Variants in AK9 observed in about 807,000 individuals in gnomAD.
AK9 encodes the protein adenylate kinase 9.
A neutral mutation model predicts 239.6 loss-of-function variants in AK9; 191 were observed. The observed-to-expected ratio is 0.80, with a 90% CI of 0.71 to 0.90. AK9 has a LOEUF of 0.90. AK9 is among the 40% of genes least tolerant of loss of function. AK9 has a pLI of 0.00. For missense variants in AK9, 1,995 were observed against 2,214.7 expected (o/e 0.90, Z 1.99); for synonymous variants, 689 against 721.0 (o/e 0.96, Z 0.71).
chr6:109,598,193 AG>A lies in AK9; in HGVS notation c.1843-12122del, dbSNP rs556749549. On this transcript the variant is annotated intron_variant, in intron 17 of 40. Transcript: ENST00000424296. ...CACCCATTAACTCGTCATTTACATTAGGTATATCTCCTAATGCTATCCCTCC... is the reference window on the plus strand; with the variant it reads ...CACCCATTAACTCGTCATTTACATTAGTATATCTCCTAATGCTATCCCTCC... Among the ~76,000 whole-genome samples, 250 of 151,964 alleles carry A rather than the reference AG, an allele frequency of 1.6e-3. 2 individuals are homozygous for A. Among genetic ancestry groups the A allele is most frequent in the Non-Finnish European group, 5.7e-4 (39 of 67,982 alleles).
At chr6:109,646,846 T>C (rs1026181270) in intron 8 of AK9, among the ~76,000 whole-genome samples, 1 of 152,184 alleles carries the variant, frequency 6.6e-6, no homozygotes, top group Non-Finnish European at 1.5e-5. Flanking sequence ...AGAGAAAGGT[T>C]GGGTTACCCA....
At chr6:109,642,495 T>A (rs1797578563) in intron 9 of AK9, among the ~76,000 whole-genome samples, 1 of 152,218 alleles carries the variant, frequency 6.6e-6, no homozygotes, top group Admixed American at 6.5e-5. Flanking sequence ...TAGCCTGCTC[T>A]GCCAATGGAA....
intron 29 of AK9, among the ~76,000 whole-genome samples, chr6:109,518,316 C>A (rs1320251605): frequency 6.6e-6 from 1 of 152,018 alleles, no homozygotes; most frequent in African/African-American, 2.4e-5. Context: ...AGCCTCCTTA[C>A]GACTTGTTCC....
At chr6:109,620,341 C>A (rs1483547883) in intron 12 of AK9, among the ~76,000 whole-genome samples, 3 of 152,062 alleles carry the variant, frequency 2.0e-5, no homozygotes, top group African/African-American at 7.2e-5. Flanking sequence ...TTTAAATTTT[C>A]TAGTGGGTGT....
intron 21 of AK9, among the ~76,000 whole-genome samples, chr6:109,570,215 G>A (rs1243350919): frequency 2.6e-5 from 4 of 151,966 alleles, no homozygotes; most frequent in African/African-American, 9.7e-5. Context: ...TCACTCATAG[G>A]TGGAAATTGA....
chr6:109,617,294 T>G (rs751967980), intron 13 of AK9, among the ~76,000 whole-genome samples: 46 of 152,128 alleles, frequency 3.0e-4, no homozygotes, highest in Non-Finnish European at 5.6e-4. Context: ...CATCCTAACA[T>G]CTAGTACAGT....
At chr6:109,592,856 T>C (rs1790473682) in intron 17 of AK9, among the ~76,000 whole-genome samples, 1 of 152,140 alleles carries the variant, frequency 6.6e-6, no homozygotes, top group Non-Finnish European at 1.5e-5. Flanking sequence ...GTGAGGTACT[T>C]CTTGCACTAT....
intron 17 of AK9, among the ~76,000 whole-genome samples, chr6:109,601,177 A>G (rs1459666154): frequency 4.6e-5 from 7 of 152,102 alleles, no homozygotes; most frequent in Non-Finnish European, 8.8e-5. Context: ...TTAGGGTGTC[A>G]ATTTTAGATC....
At chr6:109,508,031 G>A (rs1778292889) in intron 33 of AK9, among the ~76,000 whole-genome samples, 5 of 152,120 alleles carry the variant, frequency 3.3e-5, no homozygotes, top group Non-Finnish European at 5.9e-5. Context: ...ATGTGGCTTC[G>A]CTGGAGTCTC....
intron 10 of AK9, among the ~76,000 whole-genome samples, chr6:109,633,640 G>T (rs1037486282): frequency 6.6e-6 from 1 of 152,052 alleles, no homozygotes; most frequent in Non-Finnish European, 1.5e-5. Context: ...GGTAGATAGC[G>T]CATTTTCTAT....
chr6:109,639,912 T>G (rs1797185648), intron 10 of AK9, among the ~76,000 whole-genome samples: 1 of 152,228 alleles, frequency 6.6e-6, no homozygotes, highest in African/African-American at 2.4e-5. Flanking sequence ...GGGAATCCTT[T>G]CCCCATTTCT....
chr6:109,572,751 T>G (rs1787585427), intron 21 of AK9, among the ~76,000 whole-genome samples: 1 of 152,196 alleles, frequency 6.6e-6, no homozygotes, highest in Non-Finnish European at 1.5e-5. Flanking sequence ...TGAAGACCTT[T>G]TAGTTTGTAG....
chr6:109,644,742 T>C lies in AK9; in HGVS notation c.760-54A>G, dbSNP rs1797834983. The C allele has an allele frequency of 6.9e-6, 10 of 1,451,042 alleles. No homozygotes were observed. In the Admixed American group the frequency reaches 7.3e-5, roughly 11 times the overall value. 89.9% of individuals were successfully genotyped at this position (1,451,042 alleles called of 1,614,324 possible). A position where few individuals can be genotyped will look rare whatever the true frequency, so the allele number is the denominator to read the frequency against. On this transcript the variant is annotated intron_variant, in intron 8 of 40. Coordinates refer to ENST00000424296, the MANE Select transcript of AK9 (RefSeq NM_001145128.3). ...ATACAGGATCACTAGAAAAACTGAA[T>C]ACAAGATCAGAATCTTAATATACTG... is the stretch of plus-strand genomic sequence containing the variant.
chr6:109,677,266 T>C (rs968499179), intron 1 of AK9, among the ~76,000 whole-genome samples: 3 of 152,082 alleles, frequency 2.0e-5, no homozygotes, highest in East Asian at 1.9e-4. Flanking sequence ...TAAAATGATA[T>C]AGCAAAAATA....
At chr6:109,641,031 T>C (rs1315573969) in intron 10 of AK9, among the ~76,000 whole-genome samples, 1 of 151,860 alleles carries the variant, frequency 6.6e-6, no homozygotes, top group Non-Finnish European at 1.5e-5. Context: ...TTGTGTTGTG[T>C]CTAATATCTG....
Position 109,545,996 on chromosome 6 carries a change from G to T in AK9, c.3096C>A (p.Leu1032=). The T allele has an allele frequency of 6.2e-7, 1 of 1,613,982 alleles. No individual in the cohort carries two copies. The highest frequency in any genetic ancestry group is 8.5e-7 in the Non-Finnish European group (1 of 1,179,992). ...CAGGTCCCACTTTCTTTTCAGTTTT[G>T]AGTAGTAGTTTTTCTTGAAGAACTT... ...FEEVLQEKLL[L]KTEKKVGPEF... Residue 1032 remains leucine, a synonymous_variant, in exon 26 of 41, where the codon CTC becomes CTA. Transcript: ENST00000424296.
intron 22 of AK9, among the ~76,000 whole-genome samples, chr6:109,564,545 A>G (rs1452664572): frequency 6.6e-6 from 1 of 151,368 alleles, no homozygotes; most frequent in African/African-American, 2.4e-5. Context: ...TTAATAAAAA[A>G]TGTATAAAAC....
chr6:109,538,100 C>T (rs1161831074), intron 27 of AK9, among the ~76,000 whole-genome samples: 8 of 151,986 alleles, frequency 5.3e-5, no homozygotes, highest in East Asian at 3.9e-4. Flanking sequence ...GGGTGGAGAG[C>T]TCTGTAGATG....
At chr6:109,602,034 G>T (rs1792070654) in intron 17 of AK9, among the ~76,000 whole-genome samples, 1 of 152,070 alleles carries the variant, frequency 6.6e-6, no homozygotes, top group African/African-American at 2.4e-5. Flanking sequence ...TATCCAATTT[G>T]CCAGTCTGTG....
Sources: allele counts gnomAD v4.1 joint callset (sites outside exome capture counted in the v4.1 genomes callset), GRCh38; gene constraint gnomAD v4.1.1; transcripts MANE v1.5; gene names NCBI Gene and HGNC (gene_info 2026-07-23, HGNC 2026-07-21).